The following CCDC141 variants were observed in gnomAD, a reference collection of about 807,000 sequenced individuals.
The protein encoded by CCDC141 is coiled-coil domain containing 141, also known as coiled-coil domain-containing protein 141.
Under a neutral mutation model 181.0 loss-of-function variants are expected in CCDC141, and 168 were observed. The observed-to-expected ratio is 0.93, with a 90% confidence interval of 0.82 to 1.05. The LOEUF is 1.05. Among genes scored for constraint, CCDC141 ranks in the 50% least tolerant of loss-of-function variants. The pLI is 0.00. For synonymous variants in CCDC141, 666 were observed against 642.3 expected (o/e 1.04, Z -0.56); for missense variants, 1,902 against 1,788.5 (o/e 1.06, Z -1.14).
intron 2 of CCDC141, among the ~76,000 whole-genome samples, chr2:179,022,616 C>G (rs756945497): frequency 1.5e-4 from 23 of 152,214 alleles, no homozygotes; most frequent in Middle Eastern, 3.2e-3. Context: ...ATGGTACTTT[C>G]ACGATCAGTG....
At chr2:178,819,196 A>C in the CCDC141 span, among the ~76,000 whole-genome samples, 1 of 152,202 alleles carries the variant, frequency 6.6e-6, no homozygotes, top group Admixed American at 6.5e-5. Context: ...CCTTTTTGCC[A>C]AAAAATGATA....
At chr2:178,917,671 T>A (rs1203967603) in intron 7 of CCDC141, among the ~76,000 whole-genome samples, 1 of 152,016 alleles carries the variant, frequency 6.6e-6, no homozygotes, top group Non-Finnish European at 1.5e-5. Context: ...GTAGAAAAAA[T>A]TTTCAAATAA....
intron 12 of CCDC141, chr2:178,874,524 A>AATTGT (rs1266764364): frequency 6.6e-6 from 1 of 152,232 alleles, no homozygotes; most frequent in African/African-American, 2.4e-5. Flanking sequence ...TACAATCTTA[A>AATTGT]ACATTCTAAA....
At position 178,833,102 on chromosome 2, in the gene CCDC141, TA is replaced by T. The variant is rs1193320242; in HGVS notation, c.*1070del. On this transcript the variant is annotated 3_prime_UTR_variant, in exon 24 of 24. Transcript: ENST00000443758. ...AGATAGGAATTTAAGCTCTAATTCATAAAACATCACTTTCCTCCATGGAACT... is the reference window on the plus strand; with the variant it reads ...AGATAGGAATTTAAGCTCTAATTCATAAACATCACTTTCCTCCATGGAACT... 2 of 152,152 alleles carry T rather than the reference TA, an allele frequency of 1.3e-5. No homozygotes were observed. The highest frequency in any genetic ancestry group is 3.8e-4 in the East Asian group (2 of 5,196). The allele number at this position is 152,152 out of a possible 1,614,324, so 9.4% of individuals were successfully genotyped here.
rs1036326935 is a variant in CCDC141, at chr2:178,830,185, G to C, written c.*3988C>G. On this transcript the variant is annotated 3_prime_UTR_variant, in exon 24 of 24. Transcript: ENST00000443758. ...TGATGATTTATGCCTAAGTACATAT[G>C]TTTTAAAATGTTGGAACACTTTAAA... 1 of 152,210 alleles carries C rather than the reference G, an allele frequency of 6.6e-6. No individual in the cohort carries two copies. Among genetic ancestry groups the C allele is most frequent in the African/African-American group, 2.4e-5 (1 of 41,462 alleles). 9.4% of individuals were successfully genotyped at this position (152,210 alleles called of 1,614,324 possible). A position where few individuals can be genotyped will look rare whatever the true frequency, so the allele number is the denominator to read the frequency against.
intron 5 of CCDC141, among the ~76,000 whole-genome samples, chr2:178,954,229 C>T (rs1303128496): frequency 6.6e-6 from 1 of 152,150 alleles, no homozygotes; most frequent in Non-Finnish European, 1.5e-5. Context: ...ATTCATAAAT[C>T]TTCTTGCCAA....
chr2:178,908,305 G>A (rs1026814888), intron 7 of CCDC141, among the ~76,000 whole-genome samples: 2 of 151,838 alleles, frequency 1.3e-5, no homozygotes, highest in East Asian at 1.9e-4. Flanking sequence ...AGTGATTCTC[G>A]TGCCTCAGCC....
At chr2:178,874,176 T>C (rs780503616) in intron 12 of CCDC141, 1 of 152,192 alleles carries the variant, frequency 6.6e-6, no homozygotes, top group Non-Finnish European at 1.5e-5. Context: ...GTCCAAAAGA[T>C]ATAAGAATAA....
intron 6 of CCDC141, among the ~76,000 whole-genome samples, chr2:178,939,399 C>T (rs1039654615): frequency 2.0e-5 from 3 of 152,086 alleles, no homozygotes; most frequent in African/African-American, 4.8e-5. Flanking sequence ...TGTCTACATA[C>T]AATAAGGTTG....
chr2:178,902,938 T>C (rs1054338486), intron 8 of CCDC141, among the ~76,000 whole-genome samples: 4 of 148,296 alleles, frequency 2.7e-5, no homozygotes, highest in East Asian at 4.0e-4. Flanking sequence ...CATCAAAAAG[T>C]GGGCGAAGGA....
At chr2:178,986,887 A>G (rs1208746056) in intron 2 of CCDC141, among the ~76,000 whole-genome samples, 1 of 151,880 alleles carries the variant, frequency 6.6e-6, no homozygotes, top group Non-Finnish European at 1.5e-5. Flanking sequence ...AAATGGCCAT[A>G]CTGCCCAAGG....
chr2:178,936,674 A>C (rs1164057197), intron 6 of CCDC141, among the ~76,000 whole-genome samples: 2 of 152,110 alleles, frequency 1.3e-5, no homozygotes, highest in Non-Finnish European at 2.9e-5. Context: ...GAATCTGTAA[A>C]TTGCTTTGTG....
chr2:178,861,456 T>A (rs373315641), intron 17 of CCDC141, among the ~76,000 whole-genome samples: 1 of 151,880 alleles, frequency 6.6e-6, no homozygotes, highest in African/African-American at 2.4e-5. Context: ...GCCAACATGG[T>A]GAAACCCCAT....
At chr2:178,996,086 CTT>C (rs11356005) in intron 2 of CCDC141, among the ~76,000 whole-genome samples, 97 of 137,516 alleles carry the variant, frequency 7.1e-4, no homozygotes, top group Admixed American at 1.3e-3. Context: ...TTTTAAAATT[CTT>C]TTTTTTTTTT....
intron 2 of CCDC141, among the ~76,000 whole-genome samples, chr2:179,044,689 G>A (rs1161402404): frequency 6.6e-6 from 1 of 152,228 alleles, no homozygotes; most frequent in Non-Finnish European, 1.5e-5. Flanking sequence ...TCAAGCCCAG[G>A]TTAGCTTCAG....
At chr2:178,989,947 C>G (rs577870824) in intron 2 of CCDC141, among the ~76,000 whole-genome samples, 1 of 151,112 alleles carries the variant, frequency 6.6e-6, no homozygotes. Context: ...CACGACCAGC[C>G]TGACCAACAT....
intron 2 of CCDC141, among the ~76,000 whole-genome samples, chr2:179,030,329 C>A (rs2042968076): frequency 6.6e-6 from 1 of 151,920 alleles, no homozygotes; most frequent in African/African-American, 2.4e-5. Flanking sequence ...ACCCGTTAAC[C>A]AACATTAAGC....
intron 11 of CCDC141, among the ~76,000 whole-genome samples, chr2:178,881,890 GTCTCTCTCTC>G (rs575583072): frequency 1.5e-4 from 14 of 94,536 alleles, no homozygotes; most frequent in African/African-American, 3.6e-4. Flanking sequence ...GTGAGACCCT[GTCTCTCTCTC>G]TCTCTCTCTC....
At chr2:178,922,219 A>G (rs1297807410) in intron 6 of CCDC141, among the ~76,000 whole-genome samples, 1 of 152,208 alleles carries the variant, frequency 6.6e-6, no homozygotes, top group Admixed American at 6.5e-5. Flanking sequence ...TACATGCATT[A>G]TGTCATTTAA....
Sources: gnomAD v4.1 joint callset for allele counts (sites outside exome capture counted in the v4.1 genomes callset) on GRCh38, gnomAD v4.1.1 for gene constraint, MANE v1.5 for transcripts, NCBI Gene and HGNC (gene_info 2026-07-23, HGNC 2026-07-21) for gene names.